The following RNLS variants were observed in gnomAD, a reference collection of about 807,000 sequenced individuals.
RNLS encodes renalase, FAD dependent amine oxidase.
A neutral mutation model predicts 39.8 loss-of-function variants in RNLS; 39 were observed. The ratio of observed to expected loss-of-function variants is 0.98; its 90% CI spans 0.76 to 1.28. RNLS has a LOEUF of 1.28. Ranked by LOEUF, RNLS falls within the 50% of genes most tolerant of loss-of-function variation. The probability of loss-of-function intolerance (pLI) is 0.00; values close to 1 mark genes in which losing one functional copy is unlikely to be tolerated. For missense variants in RNLS, 410 were observed against 413.3 expected (o/e 0.99, Z 0.07); for synonymous variants, 147 against 150.7 (o/e 0.98, Z 0.18).
chr10:88,200,316 C>T, the RNLS span, among the ~76,000 whole-genome samples: 1,013 of 152,332 alleles, frequency 6.6e-3, 11 homozygotes, highest in African/African-American at 0.023. Context: ...CACATGCTTA[C>T]TGCACACTTA....
At chr10:88,244,659 T>TC in the RNLS span, among the ~76,000 whole-genome samples, 1 of 151,666 alleles carries the variant, frequency 6.6e-6, no homozygotes, top group Non-Finnish European at 1.5e-5. Context: ...GGCTTTTCCT[T>TC]CCCCCTTTGC....
At chr10:88,332,187 C>A (rs1355539045) in intron 5 of RNLS, among the ~76,000 whole-genome samples, 1 of 152,198 alleles carries the variant, frequency 6.6e-6, no homozygotes, top group African/African-American at 2.4e-5. Context: ...GTTACAGCAG[C>A]CAAAATTCAG....
At chr10:88,404,198 T>A (rs1564771841) in intron 4 of RNLS, among the ~76,000 whole-genome samples, 1 of 152,122 alleles carries the variant, frequency 6.6e-6, no homozygotes, top group Non-Finnish European at 1.5e-5. Flanking sequence ...TCCTAGCTTG[T>A]TAACTTTGTT....
rs373883957 is a variant in RNLS, at chr10:88,398,125, A to C, written c.527-35400T>G. On this transcript the variant is annotated intron_variant, in intron 4 of 6. Coordinates refer to ENST00000331772, the MANE Select transcript of RNLS (RefSeq NM_001031709.3). ...TCAGAAGATGACTGCCATTGCAAAG[A>C]CAGTTTGTTATACTCATAGATCCCA... 1.2e-4 allele frequency among the ~76,000 whole-genome samples: 18 copies of C among 152,214 alleles called. No individual in the cohort carries two copies. The East Asian group carries it at 2.9e-3, about 25-fold the overall frequency.
At chr10:88,382,428 A>C (rs1015392794) in intron 4 of RNLS, among the ~76,000 whole-genome samples, 13 of 152,182 alleles carry the variant, frequency 8.5e-5, no homozygotes, top group African/African-American at 3.1e-4. Flanking sequence ...ATTAAATTGA[A>C]TATATCATCA....
At chr10:88,282,238 T>C (rs1315720927), downstream of RNLS, among the ~76,000 whole-genome samples, 1 of 152,112 alleles carries the variant, frequency 6.6e-6, no homozygotes, top group African/African-American at 2.4e-5. Context: ...GACCACATGA[T>C]GCGGACTGTA....
At chr10:88,515,639 T>C (rs1433518130) in intron 4 of RNLS, among the ~76,000 whole-genome samples, 1 of 152,074 alleles carries the variant, frequency 6.6e-6, no homozygotes. Context: ...CTTTCTCCCT[T>C]AGATCATTAA....
At chr10:88,481,596 C>A (rs1243657181) in intron 4 of RNLS, among the ~76,000 whole-genome samples, 2 of 152,076 alleles carry the variant, frequency 1.3e-5, no homozygotes, top group African/African-American at 4.8e-5. Flanking sequence ...GCTCCATCCT[C>A]TCCCCATTTC....
chr10:88,311,565 C>CA (rs1178193355), intron 6 of RNLS, among the ~76,000 whole-genome samples: 4 of 152,084 alleles, frequency 2.6e-5, no homozygotes, highest in Admixed American at 2.0e-4. Flanking sequence ...CCAAGTCTTT[C>CA]AAAAAACGCC....
chr10:88,186,048 G>C, the RNLS span, among the ~76,000 whole-genome samples: 2 of 152,110 alleles, frequency 1.3e-5, no homozygotes, highest in Non-Finnish European at 2.9e-5. Flanking sequence ...TATGAGTGGA[G>C]ACCAGAGGAG....
intron 4 of RNLS, among the ~76,000 whole-genome samples, chr10:88,413,845 T>C (rs1263116235): frequency 6.6e-6 from 1 of 152,146 alleles, no homozygotes; most frequent in Non-Finnish European, 1.5e-5. Context: ...AGTTTTCCTA[T>C]GTCAATACTT....
At chr10:88,456,389 G>GT (rs1842627925) in intron 4 of RNLS, among the ~76,000 whole-genome samples, 1 of 151,490 alleles carries the variant, frequency 6.6e-6, no homozygotes, top group South Asian at 2.1e-4. Flanking sequence ...TTCTCACAAT[G>GT]TAATAGAGGG....
intron 4 of RNLS, among the ~76,000 whole-genome samples, chr10:88,365,599 C>A: frequency 6.6e-6 from 1 of 150,968 alleles, no homozygotes; most frequent in African/African-American, 2.4e-5. Flanking sequence ...TATAACATAT[C>A]TTACACATAC....
At chr10:88,211,160 G>GT in the RNLS span, among the ~76,000 whole-genome samples, 1 of 151,990 alleles carries the variant, frequency 6.6e-6, no homozygotes, top group Non-Finnish European at 1.5e-5. Context: ...ATCGTCCCAT[G>GT]TTTTGTCACA....
At chr10:88,436,844 C>A (rs1037920338) in intron 4 of RNLS, among the ~76,000 whole-genome samples, 1 of 151,994 alleles carries the variant, frequency 6.6e-6, no homozygotes, top group Admixed American at 6.5e-5. Context: ...ACTTTATTAC[C>A]ATTAAGTGCC....
chr10:88,485,982 C>G (rs1247751123), intron 4 of RNLS, among the ~76,000 whole-genome samples: 3 of 151,850 alleles, frequency 2.0e-5, no homozygotes, highest in African/African-American at 7.3e-5. Context: ...TGAACATCTT[C>G]AAAATTAAAA....
intron 4 of RNLS, among the ~76,000 whole-genome samples, chr10:88,511,865 T>C (rs1846139916): frequency 6.6e-6 from 1 of 152,202 alleles, no homozygotes; most frequent in Admixed American, 6.6e-5. Context: ...AATTTTGTTT[T>C]CTATTTTTTA....
intron 4 of RNLS, among the ~76,000 whole-genome samples, chr10:88,515,417 GCTT>G (rs1846356167): frequency 6.6e-6 from 1 of 151,918 alleles, no homozygotes; most frequent in Non-Finnish European, 1.5e-5. Flanking sequence ...TGTATATGTT[GCTT>G]CTTCTTTGTG....
intron 4 of RNLS, among the ~76,000 whole-genome samples, chr10:88,529,034 G>A (rs553691306): frequency 6.6e-6 from 1 of 152,198 alleles, no homozygotes; most frequent in Non-Finnish European, 1.5e-5. Context: ...CATGCATCTG[G>A]AAGGAACAGA....
Sources: gnomAD v4.1 joint callset for allele counts (sites outside exome capture counted in the v4.1 genomes callset) on GRCh38, gnomAD v4.1.1 for gene constraint, MANE v1.5 for transcripts, NCBI Gene and HGNC (gene_info 2026-07-23, HGNC 2026-07-21) for gene names.